Variants in CCNY observed in about 807,000 individuals in gnomAD.
CCNY encodes cyclin Y.
Under a neutral mutation model 42.8 loss-of-function variants are expected in CCNY, and 19 were observed. The observed-to-expected ratio is 0.44, with a 90% CI of 0.31 to 0.65. CCNY has a LOEUF of 0.65. Among genes scored for constraint, CCNY ranks in the 30% least tolerant of loss-of-function variants. The pLI is 0.07. For synonymous variants in CCNY, 165 were observed against 162.7 expected, an observed-to-expected ratio of 1.01 and a Z score of -0.11; for missense variants, 370 against 437.3, an observed-to-expected ratio of 0.85 and a Z score of 1.37.
intron 1 of CCNY, among the ~76,000 whole-genome samples, chr10:35,364,595 A>G (rs1372048603): frequency 1.3e-5 from 2 of 152,242 alleles, no homozygotes; most frequent in Admixed American, 6.5e-5. Context: ...ACTTATTTAT[A>G]AAGAGTTTTG....
intron 7 of CCNY, among the ~76,000 whole-genome samples, chr10:35,535,877 C>G (rs1358227625): frequency 1.3e-5 from 2 of 152,060 alleles, no homozygotes; most frequent in Non-Finnish European, 1.5e-5. Flanking sequence ...CTGCAGGGGC[C>G]CCTGGAACCA....
At chr10:35,252,287 C>A (rs541416441) in intron 3 of CCNY, among the ~76,000 whole-genome samples, 1 of 152,020 alleles carries the variant, frequency 6.6e-6, no homozygotes, top group Non-Finnish European at 1.5e-5. Flanking sequence ...ATATCCTGGC[C>A]GGGCGCGGTG....
intron 1 of CCNY, among the ~76,000 whole-genome samples, chr10:35,363,673 TCCGCC>T (rs1836749446): frequency 6.6e-6 from 1 of 152,150 alleles, no homozygotes. Context: ...GTGTTGTCAC[TCCGCC>T]CCACGACCTC....
chr10:35,496,566 C>T (rs1002637343), intron 2 of CCNY, among the ~76,000 whole-genome samples: 1 of 152,136 alleles, frequency 6.6e-6, no homozygotes, highest in Non-Finnish European at 1.5e-5. Flanking sequence ...TGCGGTGGCT[C>T]ATACCTGTAA....
intron 3 of CCNY, among the ~76,000 whole-genome samples, chr10:35,305,507 T>C (rs1012983409): frequency 2.0e-5 from 3 of 152,216 alleles, no homozygotes; most frequent in Non-Finnish European, 4.4e-5. Context: ...CACTGTAACC[T>C]AGTAATGTCA....
Position 35,337,049 on chromosome 10 carries a change from C to A in CCNY, c.-5C>A, listed in dbSNP as rs1836054610. On this transcript the variant is annotated 5_prime_UTR_variant, in exon 1 of 10. Transcript: ENST00000374704. ...ATAGCAGCAGGAGTCGGGGGGCCGC[C>A]GAAGATGGGGAACACTACCTCGTGC... 1 of 1,558,144 alleles carries A rather than the reference C, an allele frequency of 6.4e-7. No homozygotes were observed. The highest frequency in any genetic ancestry group is 2.6e-5 in the East Asian group (1 of 38,922).
At chr10:35,477,987 A>C (rs1295459466) in intron 1 of CCNY, among the ~76,000 whole-genome samples, 6 of 144,560 alleles carry the variant, frequency 4.2e-5, no homozygotes, top group Non-Finnish European at 9.1e-5. Flanking sequence ...ATTCCTATAC[A>C]CCAACAACAG....
chr10:35,373,404 T>C (rs1727555500), intron 1 of CCNY, among the ~76,000 whole-genome samples: 1 of 152,176 alleles, frequency 6.6e-6, no homozygotes, highest in African/African-American at 2.4e-5. Flanking sequence ...CCTGGATGGA[T>C]GGTGAGTGGT....
intron 3 of CCNY, among the ~76,000 whole-genome samples, chr10:35,278,733 G>A (rs1209110353): frequency 6.6e-6 from 1 of 152,086 alleles, no homozygotes; most frequent in East Asian, 1.9e-4. Context: ...CCTACTGGGA[G>A]GGGAATACCC....
rs554876077 is a variant in CCNY, at chr10:35,519,072, T to G, written c.365+2449T>G. On this transcript the variant is annotated intron_variant, in intron 4 of 9. Coordinates refer to ENST00000374704, the MANE Select transcript of CCNY (RefSeq NM_145012.6). ...AGGTATATTGTGAGTATCTGGATTT[T>G]TAACAGATCTTGATTGAATCTGGCT... Among the ~76,000 whole-genome samples the G allele has an allele frequency of 2.8e-4, 42 of 151,406 alleles. No individual in the cohort carries two copies. The East Asian group carries it at 5.3e-3, about 19-fold the overall frequency.
upstream of CCNY, among the ~76,000 whole-genome samples, chr10:35,331,944 G>C (rs1220591015): frequency 6.6e-6 from 1 of 152,154 alleles, no homozygotes; most frequent in Non-Finnish European, 1.5e-5. Flanking sequence ...CTCCAGAATG[G>C]AAACTATAAT....
chr10:35,274,722 A>G (rs1375824179), intron 3 of CCNY, among the ~76,000 whole-genome samples: 2 of 152,242 alleles, frequency 1.3e-5, no homozygotes, highest in Non-Finnish European at 1.5e-5. Context: ...ACTGAAATGT[A>G]TACTGTTTCG....
chr10:35,465,938 A>AGTGTGTGTGT lies in CCNY; in HGVS notation c.155-17453_155-17444dup, dbSNP rs1312410028. 2.3e-3 allele frequency among the ~76,000 whole-genome samples: 185 copies of AGTGTGTGTGT among 80,998 alleles called. 2 individuals carry two copies. Among genetic ancestry groups the AGTGTGTGTGT allele is most frequent in the African/African-American group, 7.2e-3 (165 of 22,852 alleles). The allele number at this position is 80,998 out of a possible 152,430, so 53.1% of individuals were successfully genotyped here. ...GAGAGAGAGAGAGAGAGAGAGAGAG[A>AGTGTGTGTGT]GTGTGTGTGTGTGTGTGTGTGTCTG... On this transcript the variant is annotated intron_variant, in intron 1 of 9. Coordinates refer to ENST00000374704, the MANE Select transcript of CCNY (RefSeq NM_145012.6).
intron 2 of CCNY, among the ~76,000 whole-genome samples, chr10:35,250,221 C>T (rs772927336): frequency 1.4e-5 from 2 of 143,924 alleles, no homozygotes; most frequent in Admixed American, 7.0e-5. Flanking sequence ...AAGAAGTAGT[C>T]GGATGTGGTG....
chr10:35,569,282 G>T lies in CCNY; in HGVS notation c.*112G>T, dbSNP rs113589910. Reference sequence around the variant, plus strand: ...TTTTTCTTTCCTTTTCTTTTTTTACGCATAGCTCCGTCAAGCTGCCTGGAT... The same window carrying T: ...TTTTTCTTTCCTTTTCTTTTTTTACTCATAGCTCCGTCAAGCTGCCTGGAT... On this transcript the variant is annotated 3_prime_UTR_variant, in exon 10 of 10. Transcript: ENST00000374704. 7.1e-6 allele frequency: 5 copies of T among 700,686 alleles called. No individual in the cohort carries two copies. The highest frequency in any genetic ancestry group is 3.5e-5 in the African/African-American group (2 of 56,738). The allele number at this position is 700,686 out of a possible 1,614,324, so 43.4% of individuals were successfully genotyped here.
At chr10:35,386,284 A>G (rs915972634) in intron 1 of CCNY, among the ~76,000 whole-genome samples, 7 of 152,186 alleles carry the variant, frequency 4.6e-5, no homozygotes, top group African/African-American at 1.4e-4. Context: ...TTTGTGCTAG[A>G]GAAAAGGCAG....
Position 35,566,059 on chromosome 10 carries a change from G to A in CCNY, c.783G>A (p.Gln261=). 6.2e-7 allele frequency: 1 copy of A among 1,614,092 alleles called. No individual in the cohort carries two copies. Among genetic ancestry groups the A allele is most frequent in the Non-Finnish European group, 8.5e-7 (1 of 1,180,004 alleles). ...AGCGACAGTTTCTTGAATTGCTGCA[G>A]TTCAACATCAATGTTCCTTCCAGTG... The part of the protein sequence containing the change: ...ELERQFLELL[Q]FNINVPSSVY... The change falls in exon 9 of 10, where the codon CAG becomes CAA. Residue 261 remains glutamine (Q), a synonymous_variant. Coordinates refer to ENST00000374704, the MANE Select transcript of CCNY (RefSeq NM_145012.6).
At chr10:35,481,116 G>T (rs1839658668) in intron 1 of CCNY, among the ~76,000 whole-genome samples, 1 of 152,162 alleles carries the variant, frequency 6.6e-6, no homozygotes, top group Non-Finnish European at 1.5e-5. Context: ...GTATCATAAT[G>T]CTTTCGTCAC....
chr10:35,351,574 A>C (rs1207913104), intron 1 of CCNY, among the ~76,000 whole-genome samples: 1 of 152,254 alleles, frequency 6.6e-6, no homozygotes, highest in Non-Finnish European at 1.5e-5. Flanking sequence ...CAAAATAAAA[A>C]TATGGCAAAA....
Sources: gnomAD v4.1 joint callset for allele counts (sites outside exome capture counted in the v4.1 genomes callset) on GRCh38, gnomAD v4.1.1 for gene constraint, MANE v1.5 for transcripts, NCBI Gene and HGNC (gene_info 2026-07-23, HGNC 2026-07-21) for gene names.